The following COL22A1 variants were observed in gnomAD, a reference collection of about 807,000 sequenced individuals.
The protein encoded by COL22A1 is collagen alpha-1(XXII) chain.
In COL22A1, 221 loss-of-function variants were observed where a neutral mutation model predicts 248.9. That is an observed-to-expected ratio of 0.89 (90% CI 0.80 to 0.99). The LOEUF is 0.99. Among genes scored for constraint, COL22A1 ranks in the 50% least tolerant of loss-of-function variants. The probability of loss-of-function intolerance (pLI) is 0.00; values close to 1 mark genes in which losing one functional copy is unlikely to be tolerated. For missense variants in COL22A1, 2,240 were observed against 2,179.0 expected, an observed-to-expected ratio of 1.03 and a Z score of -0.56; for synonymous variants, 891 against 793.4, an observed-to-expected ratio of 1.12 and a Z score of -2.07.
intron 16 of COL22A1, among the ~76,000 whole-genome samples, chr8:138,774,529 C>T (rs1009299629): frequency 2.0e-5 from 3 of 151,708 alleles, no homozygotes; most frequent in African/African-American, 7.3e-5. Context: ...AGTGATTCTC[C>T]TGCCTCAGCC....
chr8:138,838,668 A>T (rs1490610166), intron 4 of COL22A1, among the ~76,000 whole-genome samples: 1 of 131,494 alleles, frequency 7.6e-6, no homozygotes, highest in Non-Finnish European at 1.6e-5. Context: ...AGCAAAGGGC[A>T]CCAAAAAAAA....
At chr8:138,826,961 C>T (rs947153383) in intron 5 of COL22A1, among the ~76,000 whole-genome samples, 180 bp from the exon 6 acceptor site, 1 of 152,132 alleles carries the variant, frequency 6.6e-6, no homozygotes, top group African/African-American at 2.4e-5. Context: ...CTCAATGTGG[C>T]CTAGACCATC....
At chr8:138,611,029 G>T (rs182256359) in intron 56 of COL22A1, among the ~76,000 whole-genome samples, 3,890 of 152,292 alleles carry the variant, frequency 0.026, 162 homozygotes, top group African/African-American at 0.087. Context: ...TCATGCCACT[G>T]AAGTCCAGCC....
chr8:138,742,436 G>T (rs1289745043), intron 22 of COL22A1, among the ~76,000 whole-genome samples: 1 of 151,892 alleles, frequency 6.6e-6, no homozygotes, highest in African/African-American at 2.4e-5. Flanking sequence ...GATGGTGATG[G>T]TAGAGTTGAT....
At chr8:138,725,914 C>A (rs1271876379) in intron 23 of COL22A1, among the ~76,000 whole-genome samples, 1 of 152,134 alleles carries the variant, frequency 6.6e-6, no homozygotes, top group Non-Finnish European at 1.5e-5. Flanking sequence ...ATCTCACGCC[C>A]AGGCCTTCTG....
intron 6 of COL22A1, 43 bp from the exon 7 acceptor site, chr8:138,821,454 C>G: frequency 3.8e-6 from 6 of 1,586,664 alleles, no homozygotes; most frequent in Non-Finnish European, 5.2e-6. Context: ...TTCTTGGGGC[C>G]AAGGGAAAAG....
chr8:138,845,281 G>T (rs1821163340), intron 3 of COL22A1, among the ~76,000 whole-genome samples: 1 of 152,094 alleles, frequency 6.6e-6, no homozygotes, highest in African/African-American at 2.4e-5. Flanking sequence ...CCAAGACGGG[G>T]GGGGATCACC....
rs762086962 is a variant in COL22A1, at chr8:138,594,133, C to T, written c.4499G>A (p.Gly1500Glu). The T allele has an allele frequency of 1.3e-6, 2 of 1,576,776 alleles. No homozygotes were observed. Among genetic ancestry groups the T allele is most frequent in the East Asian group, 2.3e-5 (1 of 42,718 alleles). The change falls in exon 63 of 65, where the codon GGG (glycine) becomes GAG (glutamate). Residue 1500 changes from glycine to glutamate, a missense_variant. Physicochemically the swap from Gly to Glu is moderately conservative, Grantham distance 98. Coordinates refer to ENST00000303045, the MANE Select transcript of COL22A1 (RefSeq NM_152888.3). ...ATCTTTTCCAGGGGGCCCTGGGGGC[C>T]CAGGTCTGCCTTGAGATGACTTCAT... ...AYMKSSQGRP[G>E]PPGPPGKDGL...
chr8:138,686,618 G>C (rs370148915), intron 37 of COL22A1, among the ~76,000 whole-genome samples: 7 of 152,320 alleles, frequency 4.6e-5, no homozygotes, highest in African/African-American at 1.7e-4. Flanking sequence ...CAGAGCCCTG[G>C]AGGTTCCTTT....
At chr8:138,843,124 C>T (rs771450270) in intron 4 of COL22A1, among the ~76,000 whole-genome samples, 1 of 152,144 alleles carries the variant, frequency 6.6e-6, no homozygotes, top group Admixed American at 6.5e-5. Flanking sequence ...GGGGTGCTCA[C>T]TCCCTGGCAC....
At chr8:138,834,771 A>G (rs893176599) in intron 4 of COL22A1, among the ~76,000 whole-genome samples, 13 of 152,328 alleles carry the variant, frequency 8.5e-5, no homozygotes, top group African/African-American at 2.4e-4. Flanking sequence ...TTTTCTCATC[A>G]CAATTACAGC....
intron 9 of COL22A1, among the ~76,000 whole-genome samples, chr8:138,809,198 C>G (rs955252321): frequency 2.2e-4 from 34 of 152,160 alleles, no homozygotes; most frequent in Admixed American, 2.1e-3. Context: ...TTCTCACCCC[C>G]CTGTGCTTGG....
At chr8:138,756,001 C>T (rs554087227) in intron 18 of COL22A1, among the ~76,000 whole-genome samples, 172 bp from the exon 19 acceptor site, 4 of 152,158 alleles carry the variant, frequency 2.6e-5, no homozygotes, top group South Asian at 2.1e-4. Flanking sequence ...TCTCAAAGTT[C>T]GGGTTCTGAT....
At chr8:138,628,366 C>A (rs1248742576) in intron 50 of COL22A1, among the ~76,000 whole-genome samples, 4 of 152,168 alleles carry the variant, frequency 2.6e-5, no homozygotes, top group Non-Finnish European at 5.9e-5. Flanking sequence ...GCAGGAGGAA[C>A]ACTTGAGGTC....
At chr8:138,776,717 T>A (rs73719992) in intron 15 of COL22A1, among the ~76,000 whole-genome samples, 1,564 of 151,908 alleles carry the variant, frequency 0.01, 33 homozygotes, top group African/African-American at 0.036. Context: ...ATTTTCTGCC[T>A]CCCCCAGGTA....
chr8:138,654,083 G>A (rs971142625), intron 45 of COL22A1, among the ~76,000 whole-genome samples: 2 of 152,184 alleles, frequency 1.3e-5, no homozygotes, highest in East Asian at 1.9e-4. Context: ...ATGGCCGTGA[G>A]GAATGATGCT....
At chr8:138,625,676 TG>T (rs1390075819) in intron 51 of COL22A1, among the ~76,000 whole-genome samples, 1 of 152,206 alleles carries the variant, frequency 6.6e-6, no homozygotes, top group African/African-American at 2.4e-5. Context: ...CATACAAAAT[TG>T]TCCGTTGTAG....
chr8:138,716,890 A>AC (rs1447374160), intron 27 of COL22A1, 21 bp from the exon 28 acceptor site: 1 of 1,591,494 alleles, frequency 6.3e-7, no homozygotes, highest in Non-Finnish European at 8.6e-7. Context: ...AATAAAACAT[A>AC]CCCCATTATT....
intron 1 of COL22A1, among the ~76,000 whole-genome samples, chr8:138,908,105 C>T (rs1815162626): frequency 6.6e-6 from 1 of 152,200 alleles, no homozygotes; most frequent in Non-Finnish European, 1.5e-5. Context: ...CACCACTTCC[C>T]ACTGGGTCCA....
Sources: allele counts gnomAD v4.1 joint callset (sites outside exome capture counted in the v4.1 genomes callset), GRCh38; gene constraint gnomAD v4.1.1; transcripts MANE v1.5; gene names NCBI Gene and HGNC (gene_info 2026-07-23, HGNC 2026-07-21).